The following FAM110B variants were observed in gnomAD, a reference collection of about 807,000 sequenced individuals.
FAM110B encodes family with sequence similarity 110 member B.
In FAM110B, 6 loss-of-function variants were observed where a neutral mutation model predicts 20.4. The observed-to-expected ratio is 0.29, with a 90% CI of 0.16 to 0.58. FAM110B has a LOEUF of 0.58. Ranked by LOEUF, FAM110B falls within the 20% of genes least tolerant of loss-of-function variation. FAM110B has a pLI of 0.90. For missense variants in FAM110B, 434 were observed against 498.2 expected (o/e 0.87, Z 1.23); for synonymous variants, 226 against 214.1 (o/e 1.06, Z -0.49).
At chr8:58,004,017 G>C (rs146568408) in intron 1 of FAM110B, among the ~76,000 whole-genome samples, 1 of 150,990 alleles carries the variant, frequency 6.6e-6, no homozygotes, top group Admixed American at 6.6e-5. Flanking sequence ...GTGGAAGACA[G>C]TTTTTCCACG....
intron 1 of FAM110B, among the ~76,000 whole-genome samples, chr8:58,029,654 G>A (rs1804928435): frequency 6.6e-6 from 1 of 152,168 alleles, no homozygotes; most frequent in East Asian, 1.9e-4. Context: ...TAGAAAACCT[G>A]GGAATCTGGA....
At chr8:57,999,876 G>A (rs1160325688) in intron 1 of FAM110B, among the ~76,000 whole-genome samples, 2 of 152,066 alleles carry the variant, frequency 1.3e-5, no homozygotes, top group African/African-American at 4.8e-5. Flanking sequence ...TGAAAAGAAG[G>A]CAACATGTTT....
At chr8:58,125,605 T>C (rs962742738) in intron 3 of FAM110B, among the ~76,000 whole-genome samples, 2 of 152,218 alleles carry the variant, frequency 1.3e-5, no homozygotes, top group South Asian at 4.1e-4. Context: ...TAGGAGATAG[T>C]CTCATTTTTC....
At chr8:58,134,706 CT>C (rs1803569271) in intron 3 of FAM110B, among the ~76,000 whole-genome samples, 1 of 152,144 alleles carries the variant, frequency 6.6e-6, no homozygotes, top group South Asian at 2.1e-4. Context: ...TGTTACTGTT[CT>C]TTTTCAAATC....
At chr8:58,094,390 A>G (rs958019718) in intron 3 of FAM110B, among the ~76,000 whole-genome samples, 1 of 152,214 alleles carries the variant, frequency 6.6e-6, no homozygotes, top group African/African-American at 2.4e-5. Flanking sequence ...TGGGTTTGTC[A>G]TAAATAGCTC....
At chr8:58,024,322 C>T (rs1038401297) in intron 1 of FAM110B, among the ~76,000 whole-genome samples, 3 of 151,982 alleles carry the variant, frequency 2.0e-5, no homozygotes, top group African/African-American at 7.2e-5. Context: ...GGATTTTGGT[C>T]TTACTAGTTT....
chr8:58,047,826 A>G (rs148932346), intron 2 of FAM110B, among the ~76,000 whole-genome samples: 1 of 152,206 alleles, frequency 6.6e-6, no homozygotes, highest in East Asian at 1.9e-4. Flanking sequence ...TTAGGGCTTT[A>G]AAAAATAGCT....
chr8:58,146,517 C>T lies in FAM110B; in HGVS notation c.287C>T (p.Pro96Leu), dbSNP rs1356595232. 6.2e-7 allele frequency: 1 copy of T among 1,613,918 alleles called. No individual in the cohort carries two copies. Among genetic ancestry groups the T allele is most frequent in the Non-Finnish European group, 8.5e-7 (1 of 1,179,922 alleles). The change falls in exon 4 of 4, where the codon CCC becomes CTC. Residue 96 changes from proline to leucine, a missense_variant. Physicochemically the swap from Pro to Leu is moderately conservative, Grantham distance 98. Around this residue, in one of 3 missense-constraint regions of FAM110B, gnomAD observed 284 missense variants for 278.3 expected, o/e 1.02. Transcript: ENST00000519262. ...GCTGCCAAGCGCGCACTGGGCAGCC[C>T]CACGCTCAAAGTGTTCGGCAACCAC... The part of the protein sequence containing the change: ...CPAAKRALGS[P>L]TLKVFGNHAK...
intron 3 of FAM110B, among the ~76,000 whole-genome samples, chr8:58,087,450 G>C (rs1806366212): frequency 6.6e-6 from 1 of 152,164 alleles, no homozygotes; most frequent in Non-Finnish European, 1.5e-5. Flanking sequence ...GGAGTAAACT[G>C]TTATATCAGC....
In FAM110B at chr8:58,123,797, C is replaced by T. The variant is rs75719864; in HGVS notation, c.-324-22110C>T. 3.0e-4 allele frequency among the ~76,000 whole-genome samples: 45 copies of T among 152,292 alleles called. No homozygotes were observed. The South Asian group carries it at 3.5e-3, about 12-fold the overall frequency. ...CTGTCAGCTATGCCAGACTTGTTTTCGTAGCTGTCGTGATTTAGATTCTGA... is the reference window on the plus strand; with the variant it reads ...CTGTCAGCTATGCCAGACTTGTTTTTGTAGCTGTCGTGATTTAGATTCTGA... On this transcript the variant is annotated intron_variant, in intron 3 of 3. Coordinates refer to ENST00000519262, the MANE Select transcript of FAM110B (RefSeq NM_001377989.1).
chr8:58,039,502 T>C (rs556244590), intron 2 of FAM110B, among the ~76,000 whole-genome samples: 3 of 152,212 alleles, frequency 2.0e-5, no homozygotes, highest in East Asian at 1.9e-4. Context: ...TGAGATCCCA[T>C]TGAGTTTATA....
At chr8:58,080,307 G>A (rs1024467244) in intron 3 of FAM110B, among the ~76,000 whole-genome samples, 1 of 152,182 alleles carries the variant, frequency 6.6e-6, no homozygotes, top group Non-Finnish European at 1.5e-5. Context: ...AAACATAAAT[G>A]TCTGGTGGAA....
At chr8:58,083,688 T>TC (rs1806259694) in intron 3 of FAM110B, among the ~76,000 whole-genome samples, 1 of 152,178 alleles carries the variant, frequency 6.6e-6, no homozygotes, top group South Asian at 2.1e-4. Flanking sequence ...CATCCACGCC[T>TC]CCCCTGGGCT....
chr8:58,115,508 C>G (rs944426902), intron 3 of FAM110B, among the ~76,000 whole-genome samples: 4 of 152,172 alleles, frequency 2.6e-5, no homozygotes, highest in Admixed American at 2.0e-4. Flanking sequence ...ATTCTCGTGC[C>G]TCAGCCTCCC....
Position 58,147,219 on chromosome 8 carries a change from A to G in FAM110B, c.989A>G (p.Asn330Ser). 1 of 1,614,146 alleles carries G rather than the reference A, an allele frequency of 6.2e-7. No homozygotes were observed. Residue 330 changes from asparagine to serine, a missense_variant, in exon 4 of 4, where the codon AAT (asparagine) becomes AGT (serine). By Grantham distance (46) the Asn-to-Ser change is conservative. Coordinates refer to ENST00000519262, the MANE Select transcript of FAM110B (RefSeq NM_001377989.1). ...CAGGACAGTAACAGTGACCTTAGAA[A>G]TGATGACAGTGCCAATGACCGCGTG... ...QSQDSNSDLR[N>S]DDSANDRVPY... is the part of the protein sequence containing the mutation.
intron 2 of FAM110B, among the ~76,000 whole-genome samples, chr8:58,064,826 C>A (rs1006243280): frequency 6.6e-6 from 1 of 152,044 alleles, no homozygotes; most frequent in South Asian, 2.1e-4. Flanking sequence ...AGCTGGTTTG[C>A]GATAAAACGT....
intron 2 of FAM110B, among the ~76,000 whole-genome samples, chr8:58,044,767 A>G (rs887422257): frequency 2.0e-5 from 3 of 152,352 alleles, no homozygotes; most frequent in Non-Finnish European, 2.9e-5. Context: ...ACTTCAGGGC[A>G]TCATGGATGC....
chr8:58,027,138 T>A (rs1804869398), intron 1 of FAM110B, among the ~76,000 whole-genome samples: 1 of 152,178 alleles, frequency 6.6e-6, no homozygotes, highest in African/African-American at 2.4e-5. Context: ...GTTTATCCCT[T>A]TACATTGAAG....
intron 3 of FAM110B, among the ~76,000 whole-genome samples, chr8:58,123,332 A>G (rs1480034968): frequency 2.6e-5 from 4 of 152,084 alleles, no homozygotes; most frequent in African/African-American, 7.2e-5. Context: ...TGCCAGGCAA[A>G]TGCACTCACT....
Sources: gnomAD v4.1 joint callset for allele counts (sites outside exome capture counted in the v4.1 genomes callset) on GRCh38, gnomAD v4.1.1 for gene constraint, gnomAD v4.1.1 regional missense constraint, MANE v1.5 for transcripts, NCBI Gene and HGNC (gene_info 2026-07-23, HGNC 2026-07-21) for gene names.